Variants in UBN2 observed in about 807,000 individuals in gnomAD.
The protein encoded by UBN2 is ubinuclein-2.
UBN2 carries 35 observed loss-of-function variants against 120.2 expected under a neutral mutation model. The observed-to-expected ratio is 0.29, with a 90% CI of 0.22 to 0.39. The LOEUF is 0.39. Among genes scored for constraint, UBN2 ranks in the 10% least tolerant of loss-of-function variants. The pLI is 1.00. For synonymous variants in UBN2, 661 were observed against 648.7 expected (o/e 1.02, Z -0.29); for missense variants, 1,693 against 1,663.2 (o/e 1.02, Z -0.31).
At chr7:139,266,147 T>A (rs1286862550) in intron 6 of UBN2, among the ~76,000 whole-genome samples, 186 bp from the exon 7 acceptor site, 1 of 150,386 alleles carries the variant, frequency 6.6e-6, no homozygotes, top group East Asian at 1.9e-4. Flanking sequence ...TCCCAGCTAC[T>A]TGGGAAGCTG....
rs2131011911 is a variant in UBN2, at chr7:139,273,407, T to G, written c.1826T>G (p.Ile609Ser). 6.3e-7 allele frequency: 1 copy of G among 1,576,284 alleles called. No individual in the cohort carries two copies. The highest frequency in any genetic ancestry group is 8.6e-7 in the Non-Finnish European group (1 of 1,159,254). The change falls in exon 10 of 18, where the codon ATC (isoleucine) becomes AGC (serine). Residue 609 changes from isoleucine to serine, a missense_variant. Around this residue, in one of 5 missense-constraint regions of UBN2, gnomAD observed 178 missense variants for 204.0 expected, o/e 0.87. Coordinates refer to ENST00000473989, the MANE Select transcript of UBN2 (RefSeq NM_173569.4). ...AAGAAATTCCACTGGGATGACACTA[T>G]CAGGTAAGATTTAATTAGTTTTCAC... ...PRKKFHWDDT[I>S]RTLLCNLVEI...
At chr7:139,246,094 G>A (rs1796460690) in intron 2 of UBN2, among the ~76,000 whole-genome samples, 1 of 152,178 alleles carries the variant, frequency 6.6e-6, no homozygotes, top group African/African-American at 2.4e-5. Flanking sequence ...GCCAGGCGCG[G>A]TGGCTCACAT....
chr7:139,244,035 G>A (rs1391075803), intron 2 of UBN2, among the ~76,000 whole-genome samples: 1 of 152,114 alleles, frequency 6.6e-6, no homozygotes, highest in Non-Finnish European at 1.5e-5. Context: ...ATAAAACTCG[G>A]AAGATACAAA....
intron 1 of UBN2, among the ~76,000 whole-genome samples, chr7:139,236,678 A>G (rs1170730248): frequency 1.3e-5 from 2 of 151,974 alleles, no homozygotes; most frequent in African/African-American, 4.8e-5. Flanking sequence ...TCATCAAAAC[A>G]CTGTGAAATG....
chr7:139,325,697 G>T, the UBN2 span, among the ~76,000 whole-genome samples: 1 of 152,184 alleles, frequency 6.6e-6, no homozygotes, highest in Admixed American at 6.5e-5. Flanking sequence ...TCTCCCCCCA[G>T]TTATGGTAGC....
the UBN2 span, among the ~76,000 whole-genome samples, chr7:139,315,628 T>C: frequency 6.6e-6 from 1 of 151,942 alleles, no homozygotes; most frequent in Admixed American, 6.5e-5. Flanking sequence ...TGTGGATGTA[T>C]GTTTTCAGTC....
intron 6 of UBN2, among the ~76,000 whole-genome samples, chr7:139,265,731 C>T (rs1287562182): frequency 6.6e-6 from 1 of 151,932 alleles, no homozygotes; most frequent in Non-Finnish European, 1.5e-5. Context: ...AAGGGAGAGC[C>T]TAGAGGGATT....
chr7:139,246,567 A>G (rs1796475809), intron 2 of UBN2, among the ~76,000 whole-genome samples: 1 of 152,228 alleles, frequency 6.6e-6, no homozygotes, highest in Non-Finnish European at 1.5e-5. Context: ...ATTGAGGTAT[A>G]ATTTAAATAA....
At position 139,274,024 on chromosome 7, in the gene UBN2, T is replaced by C. The variant is rs758595053; in HGVS notation, c.1923T>C (p.Phe641=). 5 of 1,613,650 alleles carry C rather than the reference T, an allele frequency of 3.1e-6. No homozygotes were observed. The highest frequency in any genetic ancestry group is 4.2e-6 in the Non-Finnish European group (5 of 1,179,852). ...SQSAEDYLKS[F]METEVKPLWP... The stretch of plus-strand genomic sequence containing the variant: ...CTGCTGAAGATTATCTTAAGTCTTT[T>C]ATGGAGACAGAAGTGAAGCCCCTGT... Residue 641 remains phenylalanine, a synonymous_variant, in exon 11 of 18, where the codon TTT becomes TTC. Transcript: ENST00000473989.
chr7:139,231,626 C>G lies in UBN2; in HGVS notation c.142C>G (p.Arg48Gly). 2.4e-6 allele frequency: 3 copies of G among 1,256,598 alleles called. No homozygotes were observed. The highest frequency in any genetic ancestry group is 3.0e-6 in the Non-Finnish European group (3 of 1,001,784). The allele number at this position is 1,256,598 out of a possible 1,614,324, so 77.8% of individuals were successfully genotyped here. ...GCCGCAGCCGTACCGCGAGCCGGCC[C>G]GGGCGGAGCCGCCGGCCCCGCGGGA... ...LEPQPYREPARAEPPAPREPA... is the reference protein window; with the variant it reads ...LEPQPYREPAGAEPPAPREPA... Residue 48 changes from arginine (R) to glycine (G), a missense_variant, in exon 1 of 18, where the codon CGG (arginine) becomes GGG (glycine). By Grantham distance (125) the Arg-to-Gly change is moderately radical. Around this residue, in one of 5 missense-constraint regions of UBN2, gnomAD observed 663 missense variants for 591.2 expected, o/e 1.12. Transcript: ENST00000473989.
downstream of UBN2, among the ~76,000 whole-genome samples, chr7:139,311,792 A>G (rs760584191): frequency 5.9e-5 from 9 of 152,200 alleles, no homozygotes; most frequent in Non-Finnish European, 1.2e-4. Context: ...AAATTCTTTC[A>G]TCACAGGTAT....
rs1796008250 is a variant in UBN2 at position 139,231,525 on chromosome 7, C to T, written c.41C>T (p.Pro14Leu). ...PRRVAFISLS[P>L]VRRREAEYPG... The stretch of plus-strand genomic sequence containing the variant: ...AGAGTAGCGTTCATTAGCTTGTCAC[C>T]GGTGCGGCGGCGCGAGGCCGAGTAC... Residue 14 changes from proline (P) to leucine (L), a missense_variant, in exon 1 of 18, where the codon CCG becomes CTG. Transcript: ENST00000473989. The T allele has an allele frequency of 6.4e-6, 9 of 1,416,460 alleles. No homozygotes were observed. Among genetic ancestry groups the T allele is most frequent in the Middle Eastern group, 1.8e-4 (1 of 5,448 alleles). The allele number at this position is 1,416,460 out of a possible 1,614,324, so 87.7% of individuals were successfully genotyped here.
Position 139,283,266 on chromosome 7 carries a change from C to T in UBN2, c.2361C>T (p.Gly787=), listed in dbSNP as rs778051574. Residue 787 remains glycine (G), a synonymous_variant, in exon 15 of 18, where the codon GGC becomes GGT. Coordinates refer to ENST00000473989, the MANE Select transcript of UBN2 (RefSeq NM_173569.4). The part of the protein sequence containing the change: ...INNGNKGPPV[G]SRISMPTTKP... The stretch of plus-strand genomic sequence containing the variant: ...ATGGGAACAAGGGCCCTCCAGTTGG[C>T]TCAAGGATAAGCATGCCAACCACAA... 1.9e-6 allele frequency: 3 copies of T among 1,613,732 alleles called. No individual in the cohort carries two copies. The highest frequency in any genetic ancestry group is 2.5e-6 in the Non-Finnish European group (3 of 1,179,980).
intron 15 of UBN2, among the ~76,000 whole-genome samples, chr7:139,285,381 A>G (rs995581438): frequency 6.6e-6 from 1 of 152,184 alleles, no homozygotes; most frequent in African/African-American, 2.4e-5. Context: ...ACCTTAGCTC[A>G]TGTACACCTG....
At chr7:139,318,762 A>G in the UBN2 span, among the ~76,000 whole-genome samples, 5 of 152,116 alleles carry the variant, frequency 3.3e-5, no homozygotes, top group Non-Finnish European at 5.9e-5. Context: ...TCCTAGGGAC[A>G]TTACCAACCC....
At chr7:139,256,925 G>A (rs1584999265) in intron 3 of UBN2, among the ~76,000 whole-genome samples, 1 of 152,162 alleles carries the variant, frequency 6.6e-6, no homozygotes, top group East Asian at 1.9e-4. Flanking sequence ...AAAGATACAG[G>A]TTAAAATTAC....
chr7:139,261,660 T>C lies in UBN2; in HGVS notation c.1314T>C (p.Ser438=). 6.2e-7 allele frequency: 1 copy of C among 1,614,204 alleles called. No homozygotes were observed. Among genetic ancestry groups the C allele is most frequent in the Non-Finnish European group, 8.5e-7 (1 of 1,180,050 alleles). ...CCACCACCCAGCCAACCTACACTTC[T>C]CAGGTTATGCCCAAAGTGGTACCTA... ...NGTTTQPTYT[S]QVMPKVVPTL... The change falls in exon 6 of 18, where the codon TCT becomes TCC. Residue 438 remains serine, a synonymous_variant. Coordinates refer to ENST00000473989, the MANE Select transcript of UBN2 (RefSeq NM_173569.4).
At chr7:139,312,959 G>A (rs1159143711), downstream of UBN2, among the ~76,000 whole-genome samples, 2 of 151,928 alleles carry the variant, frequency 1.3e-5, no homozygotes, top group Non-Finnish European at 2.9e-5. Context: ...TCTCATATAT[G>A]GAAAGATCTA....
At chr7:139,323,558 T>TGATGATGATG in the UBN2 span, among the ~76,000 whole-genome samples, 5 of 41,014 alleles carry the variant, frequency 1.2e-4, no homozygotes, top group African/African-American at 5.4e-4. Context: ...TGGACCTGAT[T>TGATGATGATG]ATTATTATTA....
Sources: allele counts gnomAD v4.1 joint callset (sites outside exome capture counted in the v4.1 genomes callset), GRCh38; gene constraint gnomAD v4.1.1; regional missense constraint gnomAD v4.1.1; transcripts MANE v1.5; gene names NCBI Gene and HGNC (gene_info 2026-07-23, HGNC 2026-07-21).